COLEC10: variants seen among roughly 807,000 people sequenced by gnomAD.
COLEC10 encodes collectin subfamily member 10, also known as collectin-10.
Under a neutral mutation model 28.4 loss-of-function variants are expected in COLEC10, and 22 were observed. That is an observed-to-expected ratio of 0.78 (90% confidence interval 0.55 to 1.11). The LOEUF (loss-of-function observed/expected upper bound fraction) is 1.11. Among genes scored for constraint, COLEC10 ranks in the 50% least tolerant of loss-of-function variants. COLEC10 has a pLI of 0.00. For synonymous variants in COLEC10, 125 were observed against 116.1 expected (o/e 1.08, Z -0.49); for missense variants, 361 against 344.1 (o/e 1.05, Z -0.39).
chr8:119,051,614 C>T (rs374095290), intron 2 of COLEC10, among the ~76,000 whole-genome samples: 3 of 151,918 alleles, frequency 2.0e-5, no homozygotes, highest in Admixed American at 6.6e-5. Flanking sequence ...TCAATGAATA[C>T]GCAGTAGATA....
At chr8:119,067,455 A>T (rs777021287) in intron 1 of COLEC10, 26 bp downstream of exon 1, 7 of 1,606,784 alleles carry the variant, frequency 4.4e-6, no homozygotes, top group Non-Finnish European at 6.0e-6. Context: ...CACAATTTTC[A>T]TGTATAATAA....
chr8:119,099,993 CT>C (rs2130301238), intron 3 of COLEC10, among the ~76,000 whole-genome samples: 1 of 152,250 alleles, frequency 6.6e-6, no homozygotes, highest in Non-Finnish European at 1.5e-5. Context: ...AACGTTCCAT[CT>C]GTGTTGAATT....
intron 2 of COLEC10, among the ~76,000 whole-genome samples, chr8:119,018,259 C>T (rs1197319380): frequency 2.0e-5 from 3 of 152,172 alleles, no homozygotes; most frequent in African/African-American, 7.2e-5. Context: ...AAACAGACTT[C>T]TCCTTTTTCT....
chr8:119,036,838 C>T (rs1157570043), intron 2 of COLEC10, among the ~76,000 whole-genome samples: 1 of 152,162 alleles, frequency 6.6e-6, no homozygotes, highest in South Asian at 2.1e-4. Flanking sequence ...ACTGTTACCA[C>T]CTCAAGCTAT....
chr8:118,988,251 T>G, the COLEC10 span, among the ~76,000 whole-genome samples: 1 of 152,158 alleles, frequency 6.6e-6, no homozygotes, highest in Non-Finnish European at 1.5e-5. Flanking sequence ...ATTCTCATCA[T>G]GAGGATCTGG....
chr8:119,022,478 TAAA>T (rs1425358103), intron 2 of COLEC10, among the ~76,000 whole-genome samples: 1 of 151,930 alleles, frequency 6.6e-6, no homozygotes, highest in Non-Finnish European at 1.5e-5. Context: ...GTAAGGAAGA[TAAA>T]AAAAGGAGAG....
chr8:118,976,036 T>C, the COLEC10 span, among the ~76,000 whole-genome samples: 1 of 152,072 alleles, frequency 6.6e-6, no homozygotes, highest in Non-Finnish European at 1.5e-5. Context: ...TTTTGTTGTT[T>C]CAAAAATACA....
chr8:119,017,981 C>A (rs982729479), intron 2 of COLEC10, among the ~76,000 whole-genome samples: 1 of 152,128 alleles, frequency 6.6e-6, no homozygotes, highest in Non-Finnish European at 1.5e-5. Flanking sequence ...ATTTCTAAAA[C>A]GTAAAGGACT....
At chr8:119,103,415 A>G (rs1424804211) in intron 4 of COLEC10, among the ~76,000 whole-genome samples, 1 of 152,218 alleles carries the variant, frequency 6.6e-6, no homozygotes, top group Admixed American at 6.5e-5. Flanking sequence ...ATAACACAAG[A>G]GAACACTGGC....
At chr8:119,053,691 G>GT (rs1372256705) in intron 2 of COLEC10, among the ~76,000 whole-genome samples, 1 of 150,978 alleles carries the variant, frequency 6.6e-6, no homozygotes, top group African/African-American at 2.4e-5. Context: ...AAAGGTGGGG[G>GT]GGGCTTATTT....
the COLEC10 span, among the ~76,000 whole-genome samples, chr8:118,955,296 G>A: frequency 6.6e-6 from 1 of 152,158 alleles, no homozygotes; most frequent in Non-Finnish European, 1.5e-5. Flanking sequence ...GTATATGTGG[G>A]TATGTCTTTT....
intron 2 of COLEC10, among the ~76,000 whole-genome samples, chr8:119,034,419 A>T (rs1228096989): frequency 1.4e-5 from 2 of 144,480 alleles, no homozygotes; most frequent in African/African-American, 5.8e-5. Flanking sequence ...AGTATTTAAA[A>T]AAAAAAAAAA....
chr8:118,985,525 A>C, the COLEC10 span, among the ~76,000 whole-genome samples: 1 of 152,090 alleles, frequency 6.6e-6, no homozygotes, highest in Admixed American at 6.6e-5. Context: ...GGTGATTTAA[A>C]CAGGGATTTA....
intron 2 of COLEC10, among the ~76,000 whole-genome samples, chr8:119,027,604 GTA>G (rs1814216371): frequency 6.6e-6 from 1 of 152,118 alleles, no homozygotes; most frequent in East Asian, 1.9e-4. Context: ...TTCCTTATAT[GTA>G]GCTAATTCTC....
At chr8:119,046,988 A>G (rs1814597375) in intron 2 of COLEC10, among the ~76,000 whole-genome samples, 1 of 152,274 alleles carries the variant, frequency 6.6e-6, no homozygotes, top group South Asian at 2.1e-4. Context: ...ATTTTCAAGA[A>G]CTCAGCTAAG....
At chr8:119,004,711 C>T (rs1813758921) in intron 1 of COLEC10, among the ~76,000 whole-genome samples, 1 of 151,714 alleles carries the variant, frequency 6.6e-6, no homozygotes, top group Non-Finnish European at 1.5e-5. Context: ...CACCAGGCAA[C>T]ATTTTTCTAA....
At chr8:118,959,629 A>G in the COLEC10 span, among the ~76,000 whole-genome samples, 3,500 of 152,314 alleles carry the variant, frequency 0.023, 125 homozygotes, top group African/African-American at 0.078. Context: ...GGAGACAGCT[A>G]TTAGGTCATT....
intron 2 of COLEC10, among the ~76,000 whole-genome samples, chr8:119,045,537 G>T (rs1422102458): frequency 6.6e-6 from 1 of 152,206 alleles, no homozygotes; most frequent in African/African-American, 2.4e-5. Flanking sequence ...ATTTTAATAA[G>T]TCCAAAGGTC....
chr8:119,016,723 T>C (rs1241832681), intron 2 of COLEC10, among the ~76,000 whole-genome samples: 1 of 151,956 alleles, frequency 6.6e-6, no homozygotes, highest in Non-Finnish European at 1.5e-5. Context: ...TTGGTTGTTT[T>C]GTTTGTTTGT....
Sources: gnomAD v4.1 joint callset for allele counts (sites outside exome capture counted in the v4.1 genomes callset) on GRCh38, gnomAD v4.1.1 for gene constraint, MANE v1.5 for transcripts, NCBI Gene and HGNC (gene_info 2026-07-23, HGNC 2026-07-21) for gene names.